Variants in ASPG observed in about 807,000 individuals in gnomAD.
ASPG encodes the protein asparaginase.
In ASPG, 53 loss-of-function variants were observed where a neutral mutation model predicts 63.2. That is an observed-to-expected ratio of 0.84 (90% CI 0.67 to 1.05). The LOEUF is 1.05. ASPG is among the 50% of genes least tolerant of loss of function. The probability of loss-of-function intolerance (pLI) is 0.00; values close to 1 mark genes in which losing one functional copy is unlikely to be tolerated. For synonymous variants in ASPG, 370 were observed against 355.0 expected, an observed-to-expected ratio of 1.04 and a Z score of -0.48; for missense variants, 741 against 794.4, an observed-to-expected ratio of 0.93 and a Z score of 0.81.
intron 3 of ASPG, among the ~76,000 whole-genome samples, chr14:104,095,277 C>T (rs1422314599): frequency 2.0e-5 from 3 of 152,310 alleles, no homozygotes; most frequent in East Asian, 3.9e-4. Context: ...GACTCATTCT[C>T]GAGTGCTCTG....
At chr14:104,107,136 C>A (rs1416437975) in intron 11 of ASPG, 46 bp from the exon 12 acceptor site, 4 of 1,524,746 alleles carry the variant, frequency 2.6e-6, no homozygotes, top group Non-Finnish European at 3.5e-6. Context: ...CTACCTGGCC[C>A]CGCCTGGGTC....
intron 6 of ASPG, among the ~76,000 whole-genome samples, chr14:104,103,286 G>C (rs1474150092): frequency 6.6e-6 from 1 of 152,264 alleles, no homozygotes; most frequent in African/African-American, 2.4e-5. Flanking sequence ...CCTTGAGACT[G>C]TGTTGCCCAT....
chr14:104,088,185 G>A (rs1462913548), intron 1 of ASPG, among the ~76,000 whole-genome samples: 2 of 152,196 alleles, frequency 1.3e-5, no homozygotes, highest in African/African-American at 4.8e-5. Flanking sequence ...CCTTCCCTGG[G>A]GAGGTGAGAG....
chr14:104,096,458 C>T (rs1404160591), intron 4 of ASPG, among the ~76,000 whole-genome samples: 2 of 152,176 alleles, frequency 1.3e-5, no homozygotes, highest in Non-Finnish European at 2.9e-5. Flanking sequence ...CTGGCGCCGT[C>T]TCCCTTGTCC....
At chr14:104,102,148 C>G (rs891558938) in intron 6 of ASPG, among the ~76,000 whole-genome samples, 5 of 152,030 alleles carry the variant, frequency 3.3e-5, no homozygotes, top group African/African-American at 9.7e-5. Flanking sequence ...TGTGCTGATG[C>G]CTTATCTGCT....
In ASPG at chr14:104,095,514, A is replaced by C. The variant is rs59777616; in HGVS notation, c.304-17A>C. On this transcript the variant is annotated splice_polypyrimidine_tract_variant and intron_variant, in intron 3 of 15. Coordinates refer to ENST00000551177, the MANE Select transcript of ASPG (RefSeq NM_001080464.3). ...TTGCGAGGGGCTGGCCTGCCTGAGC[A>C]TGCGCCCCTCCTGCAGAGGCACTAC... 6,611 of 1,612,240 alleles carry C rather than the reference A, an allele frequency of 4.1e-3. 239 individuals carry two copies. In the African/African-American group the frequency reaches 0.078, roughly 19 times the overall value.
intron 6 of ASPG, among the ~76,000 whole-genome samples, chr14:104,100,606 C>T (rs2036833861): frequency 2.6e-5 from 4 of 152,206 alleles, no homozygotes; most frequent in Non-Finnish European, 4.4e-5. Context: ...TCCCTTCTTC[C>T]TGCTGCTCCC....
At position 104,097,652 on chromosome 14, in the gene ASPG, C is replaced by T; in HGVS notation, c.513+15C>T. 1 of 1,555,454 alleles carries T rather than the reference C, an allele frequency of 6.4e-7. No homozygotes were observed. Among genetic ancestry groups the T allele is most frequent in the East Asian group, 2.4e-5 (1 of 41,368 alleles). On this transcript the variant is annotated intron_variant, in intron 5 of 15. Transcript: ENST00000551177. ...TGATCCCAGAGGTACCTGCCTGGTG[C>T]ACGTGGAGGCGGGGCAGGTGGGGTG...
rs777310930 is a variant in ASPG at position 104,092,748 on chromosome 14, G to A, written c.191+7G>A. ...AGGACACCCTGGTGCTACCGTGAGT[G>A]TGGGCTCCTCCCAGTCCCGGACAGG... is the stretch of plus-strand genomic sequence containing the variant. On this transcript the variant is annotated splice_region_variant and intron_variant, in intron 2 of 15. Coordinates refer to ENST00000551177, the MANE Select transcript of ASPG (RefSeq NM_001080464.3). 2.0e-6 allele frequency: 3 copies of A among 1,534,228 alleles called. No homozygotes were observed. Among genetic ancestry groups the A allele is most frequent in the Non-Finnish European group, 2.6e-6 (3 of 1,145,646 alleles).
intron 4 of ASPG, 66 bp from the exon 5 acceptor site, chr14:104,097,488 G>T: frequency 6.8e-7 from 1 of 1,464,564 alleles, no homozygotes; most frequent in Non-Finnish European, 9.3e-7. Flanking sequence ...TACCTGGAGA[G>T]ATGAGCCAGA....
At chr14:104,099,624 T>G (rs2036782711) in intron 6 of ASPG, among the ~76,000 whole-genome samples, 1 of 152,220 alleles carries the variant, frequency 6.6e-6, no homozygotes, top group African/African-American at 2.4e-5. Flanking sequence ...GAGCCCCTGC[T>G]TCCTGGACTC....
At chr14:104,093,452 G>A in intron 2 of ASPG, 39 bp from the exon 3 acceptor site, 1 of 1,532,284 alleles carries the variant, frequency 6.5e-7, no homozygotes, top group Non-Finnish European at 9.0e-7. Context: ...TGCAGAGCGG[G>A]AGCCTGCTGT....
intron 10 of ASPG, among the ~76,000 whole-genome samples, chr14:104,106,539 G>C (rs981988882): frequency 6.6e-6 from 1 of 152,176 alleles, no homozygotes; most frequent in South Asian, 2.1e-4. Flanking sequence ...CACACCCGTT[G>C]GGGACAGGGC....
chr14:104,106,957 T>C, intron 11 of ASPG, 63 bp downstream of exon 11: 3 of 1,481,894 alleles, frequency 2.0e-6, no homozygotes, highest in Non-Finnish European at 2.7e-6. Flanking sequence ...CTCTGAACCC[T>C]GTAGGCAGGA....
At position 104,091,698 on chromosome 14, in the gene ASPG, G is replaced by T. The variant is rs1307881981; in HGVS notation, c.83-935G>T. On this transcript the variant is annotated intron_variant, in intron 1 of 15. Coordinates refer to ENST00000551177, the MANE Select transcript of ASPG (RefSeq NM_001080464.3). This position sits in a 1 kb window ranked among gnomAD's most constrained non-coding sequence, Gnocchi z 6.4. ...GGGCTGCTTTAACTTGCCAAGTTTG[G>T]GGTTAATTTGTGAGCCAGTGATAGG... Among the ~76,000 whole-genome samples the T allele has an allele frequency of 1.3e-5, 2 of 152,034 alleles. No individual in the cohort carries two copies. The highest frequency in any genetic ancestry group is 4.8e-5 in the African/African-American group (2 of 41,394).
chr14:104,096,263 G>T (rs1340882916), intron 4 of ASPG, among the ~76,000 whole-genome samples: 1 of 152,204 alleles, frequency 6.6e-6, no homozygotes, highest in African/African-American at 2.4e-5. Flanking sequence ...TTGCCTGCGG[G>T]TGGCAGTGGG....
At position 104,112,534 on chromosome 14, in the gene ASPG, C is replaced by T. The variant is rs760455229; in HGVS notation, c.1712C>T (p.Pro571Leu). The change falls in exon 16 of 16, where the codon CCT (proline) becomes CTT (leucine). Residue 571 changes from proline (P) to leucine (L), a missense_variant. Physicochemically the swap from Pro to Leu is moderately conservative, Grantham distance 98. Coordinates refer to ENST00000551177, the MANE Select transcript of ASPG (RefSeq NM_001080464.3). ...GAQAPCPEVL[P>L]GV is the part of the protein sequence containing the mutation. The stretch of plus-strand genomic sequence containing the variant: ...CCCTCATGTTTTCAGGAAGTGCTGC[C>T]TGGTGTCTAACCTGAAGGCGTCCTG... 1.3e-6 allele frequency: 2 copies of T among 1,536,504 alleles called. No homozygotes were observed. The highest frequency in any genetic ancestry group is 2.2e-5 in the South Asian group (2 of 89,176).
chr14:104,105,059 C>G, intron 9 of ASPG: 1 of 594,312 alleles, frequency 1.7e-6, no homozygotes. Context: ...GGTTCAGACA[C>G]AGCTGGCCCC....
rs978178414 is a variant in ASPG at position 104,110,422 on chromosome 14, C to G, written c.1521-1080C>G. ...CACTCCAGACAGGCCTTGCTGGCTCCATTGACAGATGGGGAAACTGAGGCA... is the reference window on the plus strand; with the variant it reads ...CACTCCAGACAGGCCTTGCTGGCTCGATTGACAGATGGGGAAACTGAGGCA... On this transcript the variant is annotated intron_variant, in intron 13 of 15. Transcript: ENST00000551177. The surrounding 1 kb of genome is among the most constrained non-coding windows in gnomAD (Gnocchi z 4.7). The G allele has an allele frequency of 1.2e-4, 119 of 985,212 alleles. No individual in the cohort carries two copies. The highest frequency in any genetic ancestry group is 1.4e-4 in the Non-Finnish European group (113 of 829,898). The allele number at this position is 985,212 out of a possible 1,614,324, so 61.0% of individuals were successfully genotyped here.
Sources: gnomAD v4.1 joint callset for allele counts (sites outside exome capture counted in the v4.1 genomes callset) on GRCh38, gnomAD v4.1.1 for gene constraint, Gnocchi (gnomAD v3.1) non-coding constraint, MANE v1.5 for transcripts, NCBI Gene and HGNC (gene_info 2026-07-23, HGNC 2026-07-21) for gene names.